The following CSMD1 variants were observed in gnomAD, a reference collection of about 807,000 sequenced individuals.
CSMD1 encodes CUB and Sushi multiple domains 1.
CSMD1 carries 213 observed loss-of-function variants against 417.5 expected under a neutral mutation model. That is an observed-to-expected ratio of 0.51 (90% CI 0.46 to 0.57). The LOEUF (loss-of-function observed/expected upper bound fraction) is 0.57, where lower values mean the gene tolerates loss of function less well. Among genes scored for constraint, CSMD1 ranks in the 20% least tolerant of loss-of-function variants. The pLI, the probability that CSMD1 is intolerant of heterozygous loss-of-function variation, is 0.00. For missense variants in CSMD1, 6,923 were observed against 4,529.7 expected (o/e 1.53, Z -15.17); for synonymous variants, 2,862 against 1,736.8 (o/e 1.65, Z -16.11).
intron 5 of CSMD1, among the ~76,000 whole-genome samples, chr8:3,954,157 G>C (rs530355574): frequency 6.6e-6 from 1 of 152,178 alleles, no homozygotes; most frequent in Non-Finnish European, 1.5e-5. Flanking sequence ...TGGGTCTGTA[G>C]AAACTTCAGC....
intron 6 of CSMD1, among the ~76,000 whole-genome samples, chr8:3,738,341 C>A (rs961376401): frequency 6.6e-6 from 1 of 152,208 alleles, no homozygotes; most frequent in African/African-American, 2.4e-5. Flanking sequence ...TCGTACAATG[C>A]ATACAGGCAT....
At chr8:4,942,549 G>A (rs1379206401) in intron 1 of CSMD1, among the ~76,000 whole-genome samples, 1 of 152,092 alleles carries the variant, frequency 6.6e-6, no homozygotes, top group Non-Finnish European at 1.5e-5. Context: ...GTACAGATTA[G>A]TAATTCTCAC....
intron 5 of CSMD1, among the ~76,000 whole-genome samples, chr8:3,967,330 G>A (rs927308632): frequency 5.9e-5 from 9 of 152,004 alleles, no homozygotes; most frequent in South Asian, 2.1e-4. Flanking sequence ...ATGATGGTAC[G>A]GCTTCTCCAT....
At chr8:4,046,655 G>C (rs935870841) in intron 3 of CSMD1, among the ~76,000 whole-genome samples, 2 of 152,120 alleles carry the variant, frequency 1.3e-5, no homozygotes, top group Non-Finnish European at 2.9e-5. Context: ...GTGCAGATAG[G>C]ATATACACTG....
At chr8:3,635,250 T>C (rs1796976330) in intron 7 of CSMD1, among the ~76,000 whole-genome samples, 1 of 151,806 alleles carries the variant, frequency 6.6e-6, no homozygotes, top group Admixed American at 6.6e-5. Flanking sequence ...CCTAGGTGGG[T>C]GGATCATGAG....
intron 3 of CSMD1, among the ~76,000 whole-genome samples, chr8:4,156,440 A>G (rs1266814919): frequency 3.9e-5 from 6 of 152,200 alleles, no homozygotes; most frequent in Admixed American, 3.9e-4. Flanking sequence ...AAGAAAGGAT[A>G]AATATGCTAT....
intron 6 of CSMD1, among the ~76,000 whole-genome samples, chr8:3,746,620 T>C (rs979504339): frequency 1.3e-5 from 2 of 152,262 alleles, no homozygotes; most frequent in African/African-American, 4.8e-5. Context: ...ACATCTCTGA[T>C]GAATAATATT....
At chr8:3,627,284 AG>A (rs1167252890) in intron 7 of CSMD1, among the ~76,000 whole-genome samples, 3 of 152,152 alleles carry the variant, frequency 2.0e-5, no homozygotes, top group Admixed American at 1.3e-4. Context: ...GAAAATACCT[AG>A]CTGCAAGACA....
intron 42 of CSMD1, chr8:3,113,288 A>T (rs1816644073): frequency 6.6e-6 from 1 of 152,326 alleles, no homozygotes. Flanking sequence ...ACTGAAAGGG[A>T]TAGAGAGGCT....
intron 12 of CSMD1, among the ~76,000 whole-genome samples, chr8:3,445,948 C>G (rs1009325461): frequency 6.6e-6 from 1 of 152,064 alleles, no homozygotes; most frequent in East Asian, 1.9e-4. Context: ...AGAGAGGCAA[C>G]GATGAAATGA....
chr8:4,396,118 C>A (rs1416658739), intron 3 of CSMD1, among the ~76,000 whole-genome samples: 1 of 140,532 alleles, frequency 7.1e-6, no homozygotes, highest in Non-Finnish European at 1.5e-5. Flanking sequence ...TTAAGTTTTA[C>A]TACTGTAATG....
At chr8:4,417,256 C>T (rs1419591493) in intron 3 of CSMD1, among the ~76,000 whole-genome samples, 1 of 151,968 alleles carries the variant, frequency 6.6e-6, no homozygotes, top group Non-Finnish European at 1.5e-5. Context: ...ACGTTGATTA[C>T]ACTATTTTAA....
intron 2 of CSMD1, among the ~76,000 whole-genome samples, chr8:4,629,854 G>T (rs1802401834): frequency 6.6e-6 from 1 of 152,094 alleles, no homozygotes; most frequent in Non-Finnish European, 1.5e-5. Flanking sequence ...GTGGCTGTCT[G>T]CTTGTTCTTC....
chr8:3,900,700 A>G (rs73495947), intron 5 of CSMD1, among the ~76,000 whole-genome samples: 12,531 of 151,946 alleles, frequency 0.082, 1,019 homozygotes, highest in African/African-American at 0.21. Flanking sequence ...GTGGCCCTGA[A>G]GCTGGATGAC....
At chr8:4,043,321 G>GA (rs1797987591) in intron 3 of CSMD1, among the ~76,000 whole-genome samples, 1 of 151,802 alleles carries the variant, frequency 6.6e-6, no homozygotes, top group Non-Finnish European at 1.5e-5. Context: ...AAAAGAAGAG[G>GA]AAAAAAGAAA....
chr8:4,798,264 T>A (rs1181670839), intron 1 of CSMD1, among the ~76,000 whole-genome samples: 2 of 152,180 alleles, frequency 1.3e-5, no homozygotes, highest in African/African-American at 4.8e-5. Context: ...CATGCGGTGT[T>A]TGTTTTCTGT....
chr8:3,335,461 T>C (rs1807194598), intron 23 of CSMD1, among the ~76,000 whole-genome samples: 1 of 152,176 alleles, frequency 6.6e-6, no homozygotes, highest in African/African-American at 2.4e-5. Flanking sequence ...GTGGATCATC[T>C]GAGGTCGGGA....
At chr8:3,303,556 A>G (rs905524861) in intron 25 of CSMD1, among the ~76,000 whole-genome samples, 1 of 152,182 alleles carries the variant, frequency 6.6e-6, no homozygotes, top group African/African-American at 2.4e-5. Context: ...ACCAAATGCA[A>G]TTTTCTGCTA....
intron 25 of CSMD1, among the ~76,000 whole-genome samples, chr8:3,292,853 A>G (rs1323287156): frequency 6.6e-6 from 1 of 151,252 alleles, no homozygotes; most frequent in Non-Finnish European, 1.5e-5. Flanking sequence ...TTATGTGTGA[A>G]TTTGATCCTG....
Sources: allele counts gnomAD v4.1 joint callset (sites outside exome capture counted in the v4.1 genomes callset), GRCh38; gene constraint gnomAD v4.1.1; transcripts MANE v1.5; gene names NCBI Gene and HGNC (gene_info 2026-07-23, HGNC 2026-07-21).